Variants in MFSD11 observed in about 807,000 individuals in gnomAD.
The protein encoded by MFSD11 is UNC93-like protein MFSD11.
MFSD11 carries 36 observed loss-of-function variants against 53.5 expected under a neutral mutation model. The observed-to-expected ratio is 0.67, with a 90% confidence interval of 0.52 to 0.89. The LOEUF is 0.89. Among genes scored for constraint, MFSD11 ranks in the 40% least tolerant of loss-of-function variants. MFSD11 has a pLI of 0.00. For missense variants in MFSD11, 530 were observed against 543.9 expected (o/e 0.97, Z 0.25); for synonymous variants, 186 against 184.9 (o/e 1.01, Z -0.05).
At position 76,779,254 on chromosome 17, in the gene MFSD11, C is replaced by CAAAAAAAAAAAAAAAAAAAAAAAAAAAAA. The variant is rs943666105; in HGVS notation, c.*922_*923insAAAAAAAAAAAAAAAAAAAAAAAAAAAAA. On this transcript the variant is annotated 3_prime_UTR_variant, in exon 13 of 13. Transcript: ENST00000685175. Reference sequence around the variant, plus strand: ...GGATGACAAGAGTGAAACTCCATCTCAAAAAAAAAAAAAAAAAAAAGAAAA... The same window carrying CAAAAAAAAAAAAAAAAAAAAAAAAAAAAA: ...GGATGACAAGAGTGAAACTCCATCTCAAAAAAAAAAAAAAAAAAAAAAAAAAAAAAAAAAAAAAAAAAAAAAAAAGAAAA... 1 of 48,866 alleles carries CAAAAAAAAAAAAAAAAAAAAAAAAAAAAA rather than the reference C, an allele frequency of 2.0e-5. No homozygotes were observed. The highest frequency in any genetic ancestry group is 7.1e-5 in the African/African-American group (1 of 14,048). The allele number at this position is 48,866 out of a possible 1,614,324, so 3.0% of individuals were successfully genotyped here. A position where few individuals can be genotyped will look rare whatever the true frequency, so the allele number is the denominator to read the frequency against.
upstream of MFSD11, chr17:76,737,290 G>C (rs1038925210): frequency 4.7e-6 from 6 of 1,277,462 alleles, no homozygotes; most frequent in African/African-American, 3.0e-5. Context: ...CCGCAGAACA[G>C]CACGGACGGG....
At chr17:76,793,448 T>C in the MFSD11 span, among the ~76,000 whole-genome samples, 1 of 151,670 alleles carries the variant, frequency 6.6e-6, no homozygotes, top group African/African-American at 2.4e-5. Flanking sequence ...TTTAAGGTTA[T>C]CTGTCTTGTT....
intron 8 of MFSD11, among the ~76,000 whole-genome samples, chr17:76,762,035 C>T (rs944215464): frequency 6.6e-6 from 1 of 151,830 alleles, no homozygotes; most frequent in African/African-American, 2.4e-5. Flanking sequence ...CATCACTTTA[C>T]TCAATTTTAG....
downstream of MFSD11, chr17:76,781,413 C>T (rs1203798066): frequency 1.3e-5 from 2 of 152,200 alleles, no homozygotes; most frequent in African/African-American, 4.8e-5. Context: ...CTGTTGCACT[C>T]TGTCTGTTAG....
rs866766724 is a variant in MFSD11 at position 76,779,270 on chromosome 17, A to T, written c.*918A>T. On this transcript the variant is annotated 3_prime_UTR_variant, in exon 13 of 13. Coordinates refer to ENST00000685175, the MANE Select transcript of MFSD11 (RefSeq NM_001242532.5). Reference sequence around the variant, plus strand: ...ACTCCATCTCAAAAAAAAAAAAAAAAAAAAGAAAAGAAAATAATAATGATA... The same window carrying T: ...ACTCCATCTCAAAAAAAAAAAAAAATAAAAGAAAAGAAAATAATAATGATA... The T allele has an allele frequency of 6.7e-6, 1 of 149,958 alleles. No individual in the cohort carries two copies. The highest frequency in any genetic ancestry group is 2.1e-4 in the South Asian group (1 of 4,824). 9.3% of individuals were successfully genotyped at this position (149,958 alleles called of 1,614,324 possible).
chr17:76,797,750 C>T, the MFSD11 span, among the ~76,000 whole-genome samples: 1 of 152,036 alleles, frequency 6.6e-6, no homozygotes, highest in Admixed American at 6.6e-5. Context: ...TCTGACACTA[C>T]CCCCACTTAC....
rs943666105 is a variant in MFSD11, at chr17:76,779,254, C to CAAAAAAAAAAAAAAAA, written c.*907_*922dup. 4 of 48,808 alleles carry CAAAAAAAAAAAAAAAA rather than the reference C, an allele frequency of 8.2e-5. No homozygotes were observed. The highest frequency in any genetic ancestry group is 2.2e-4 in the Admixed American group (1 of 4,498). 3.0% of individuals were successfully genotyped at this position (48,808 alleles called of 1,614,324 possible). A position where few individuals can be genotyped will look rare whatever the true frequency, so the allele number is the denominator to read the frequency against. On this transcript the variant is annotated 3_prime_UTR_variant, in exon 13 of 13. Coordinates refer to ENST00000685175, the MANE Select transcript of MFSD11 (RefSeq NM_001242532.5). ...GGATGACAAGAGTGAAACTCCATCT[C>CAAAAAAAAAAAAAAAA]AAAAAAAAAAAAAAAAAAAAGAAAA...
intron 8 of MFSD11, among the ~76,000 whole-genome samples, chr17:76,766,091 C>A (rs1435036970): frequency 2.0e-5 from 3 of 150,446 alleles, no homozygotes; most frequent in Non-Finnish European, 4.4e-5. Flanking sequence ...TTTAGAATTT[C>A]TTTTTGTTAG....
chr17:76,772,246 C>A (rs899513716), intron 10 of MFSD11, among the ~76,000 whole-genome samples: 6 of 151,780 alleles, frequency 4.0e-5, no homozygotes, highest in African/African-American at 1.5e-4. Flanking sequence ...CATGGCAAAA[C>A]CCCATCTCTA....
In MFSD11 at chr17:76,742,162, T is replaced by C. The variant is rs1391925898; in HGVS notation, c.341-15T>C. ...GAATTTCTTTCCCTTGATAAACTTT[T>C]GGGTTGAATTTTAGTGCTTTGGACA... On this transcript the variant is annotated splice_polypyrimidine_tract_variant and intron_variant, in intron 4 of 12. Coordinates refer to ENST00000685175, the MANE Select transcript of MFSD11 (RefSeq NM_001242532.5). 1 of 1,614,136 alleles carries C rather than the reference T, an allele frequency of 6.2e-7. No individual in the cohort carries two copies. The highest frequency in any genetic ancestry group is 8.5e-7 in the Non-Finnish European group (1 of 1,179,980).
chr17:76,784,837 T>C (rs115461261), downstream of MFSD11, among the ~76,000 whole-genome samples: 133 of 152,234 alleles, frequency 8.7e-4, 1 homozygote, highest in African/African-American at 3.2e-3. Context: ...AGACAGAGGT[T>C]ACATCAAGCA....
rs539899294 is a variant in MFSD11, at chr17:76,751,187, G to A, written c.642-2860G>A. ...GGGCGGGTCACGAGGTCAGGAGATC[G>A]AGACTATCCTGGCTAACACGGTGAA... On this transcript the variant is annotated intron_variant, in intron 7 of 12. Coordinates refer to ENST00000685175, the MANE Select transcript of MFSD11 (RefSeq NM_001242532.5). Among the ~76,000 whole-genome samples, 831 of 151,050 alleles carry A rather than the reference G, an allele frequency of 5.5e-3. 4 individuals carry two copies. Among genetic ancestry groups the A allele is most frequent in the African/African-American group, 0.019 (788 of 41,196 alleles).
chr17:76,782,072 C>T (rs1329426845), downstream of MFSD11, among the ~76,000 whole-genome samples: 5 of 151,762 alleles, frequency 3.3e-5, no homozygotes, highest in Admixed American at 6.6e-5. Context: ...CCTCCTGCCT[C>T]GGCCTTCCAA....
intron 6 of MFSD11, 123 bp from the exon 7 acceptor site, chr17:76,744,199 G>T: frequency 1.2e-6 from 1 of 868,260 alleles, no homozygotes; most frequent in Non-Finnish European, 1.7e-6. Context: ...GGTTTTTACT[G>T]ATGCATTAAA....
At chr17:76,756,609 CCAT>C (rs2079657145) in intron 8 of MFSD11, among the ~76,000 whole-genome samples, 1 of 152,058 alleles carries the variant, frequency 6.6e-6, no homozygotes, top group Admixed American at 6.5e-5. Context: ...GCCTATAATG[CCAT>C]CACTTTGGGA....
downstream of MFSD11, among the ~76,000 whole-genome samples, chr17:76,780,242 G>T (rs578012443): frequency 6.6e-6 from 1 of 152,260 alleles, no homozygotes; most frequent in Non-Finnish European, 1.5e-5. Flanking sequence ...TTTCTCATCT[G>T]GCATGGCAAC....
At chr17:76,779,613 T>A (rs1381034482), downstream of MFSD11, among the ~76,000 whole-genome samples, 2 of 152,132 alleles carry the variant, frequency 1.3e-5, no homozygotes, top group Non-Finnish European at 2.9e-5. Context: ...GCCTCCCAAC[T>A]AGCTAGGATT....
chr17:76,736,659 G>T, upstream of MFSD11: 1 of 1,199,410 alleles, frequency 8.3e-7, no homozygotes, highest in Non-Finnish European at 1.1e-6. Flanking sequence ...TCGCGGGGTG[G>T]CCGGAGGGTC....
chr17:76,767,688 T>A (rs966318496), intron 9 of MFSD11, among the ~76,000 whole-genome samples: 1 of 151,840 alleles, frequency 6.6e-6, no homozygotes, highest in African/African-American at 2.4e-5. Context: ...GCTCTCCATC[T>A]CCACGACCCC....
Sources: allele counts gnomAD v4.1 joint callset (sites outside exome capture counted in the v4.1 genomes callset), GRCh38; gene constraint gnomAD v4.1.1; transcripts MANE v1.5; gene names NCBI Gene and HGNC (gene_info 2026-07-23, HGNC 2026-07-21).